MRPL48: variants seen among roughly 807,000 people sequenced by gnomAD.
The protein encoded by MRPL48 is mitochondrial ribosomal protein L48, also known as large ribosomal subunit protein mL48.
In MRPL48, 16 loss-of-function variants were observed where a neutral mutation model predicts 32.9. The ratio of observed to expected loss-of-function variants is 0.49; its 90% confidence interval spans 0.33 to 0.74. MRPL48 has a LOEUF of 0.74. Among genes scored for constraint, MRPL48 ranks in the 30% least tolerant of loss-of-function variants. The pLI is 0.02. For missense variants in MRPL48, 206 were observed against 245.3 expected, an observed-to-expected ratio of 0.84 and a Z score of 1.07; for synonymous variants, 94 against 89.2, an observed-to-expected ratio of 1.05 and a Z score of -0.31.
intron 3 of MRPL48, among the ~76,000 whole-genome samples, chr11:73,811,816 G>A (rs1947572145): frequency 6.6e-6 from 1 of 152,120 alleles, no homozygotes; most frequent in Non-Finnish European, 1.5e-5. Context: ...AAATTGAAAT[G>A]GATGCATATG....
chr11:73,820,433 C>G (rs1443826140), intron 3 of MRPL48, among the ~76,000 whole-genome samples: 13 of 152,160 alleles, frequency 8.5e-5, no homozygotes. Flanking sequence ...CCATGTTGGC[C>G]AGGCTGGTCT....
chr11:73,820,069 G>C (rs1947746981), intron 3 of MRPL48, among the ~76,000 whole-genome samples: 1 of 152,144 alleles, frequency 6.6e-6, no homozygotes. Context: ...CTTAGCGGGG[G>C]CTACCAATCT....
At chr11:73,817,290 C>T (rs1947695510) in intron 3 of MRPL48, among the ~76,000 whole-genome samples, 1 of 152,086 alleles carries the variant, frequency 6.6e-6, no homozygotes, top group Non-Finnish European at 1.5e-5. Flanking sequence ...CAAGATTTTG[C>T]AATGGAAACA....
intron 3 of MRPL48, among the ~76,000 whole-genome samples, chr11:73,822,608 T>G (rs1947803059): frequency 6.6e-6 from 1 of 152,228 alleles, no homozygotes; most frequent in African/African-American, 2.4e-5. Context: ...AAGCCAGTAC[T>G]ATCTCTGATA....
At chr11:73,817,090 C>T (rs1947691887) in intron 3 of MRPL48, among the ~76,000 whole-genome samples, 1 of 151,974 alleles carries the variant, frequency 6.6e-6, no homozygotes, top group Admixed American at 6.6e-5. Flanking sequence ...CTTGGGCCTC[C>T]CGAAGTGCTG....
At chr11:73,795,495 T>C (rs967873484) in intron 1 of MRPL48, among the ~76,000 whole-genome samples, 1 of 151,832 alleles carries the variant, frequency 6.6e-6, no homozygotes, top group African/African-American at 2.4e-5. Flanking sequence ...AAAAATATAA[T>C]TCATTTATTA....
Position 73,864,412 on chromosome 11 carries a change from G to A in MRPL48, c.*42G>A, listed in dbSNP as rs369843978. 1 of 1,600,562 alleles carries A rather than the reference G, an allele frequency of 6.2e-7. No individual in the cohort carries two copies. The highest frequency in any genetic ancestry group is 8.5e-7 in the Non-Finnish European group (1 of 1,169,976). ...CATGCCAGCAGTGGTCATATTGAGTGCCAAAGAGAAGAGCTTACTGGGTAG... is the reference window on the plus strand; with the variant it reads ...CATGCCAGCAGTGGTCATATTGAGTACCAAAGAGAAGAGCTTACTGGGTAG... On this transcript the variant is annotated 3_prime_UTR_variant, in exon 8 of 8. Transcript: ENST00000310614.
chr11:73,827,753 C>T (rs910528141), intron 4 of MRPL48, among the ~76,000 whole-genome samples: 2 of 152,136 alleles, frequency 1.3e-5, no homozygotes, highest in Non-Finnish European at 2.9e-5. Context: ...CTAACCTTGC[C>T]GTGTTCTTCT....
At chr11:73,791,443 G>T (rs1181068274) in intron 1 of MRPL48, among the ~76,000 whole-genome samples, 1 of 151,854 alleles carries the variant, frequency 6.6e-6, no homozygotes, top group Non-Finnish European at 1.5e-5. Flanking sequence ...TTGAGACAGG[G>T]TCTCACTCTG....
chr11:73,793,858 G>GTTTT (rs1293232778), intron 1 of MRPL48, among the ~76,000 whole-genome samples: 1 of 113,882 alleles, frequency 8.8e-6, no homozygotes, highest in Non-Finnish European at 1.9e-5. Flanking sequence ...CTTGTTTCGT[G>GTTTT]TTTTTTTTTT....
At chr11:73,808,933 A>AC (rs1947514569) in intron 3 of MRPL48, among the ~76,000 whole-genome samples, 2 of 149,972 alleles carry the variant, frequency 1.3e-5, no homozygotes, top group Non-Finnish European at 3.0e-5. Context: ...CAAAAAAAAA[A>AC]AAAATAATGA....
chr11:73,805,152 TTCA>T (rs1947426262), intron 2 of MRPL48, 73 bp downstream of exon 2: 2 of 1,278,154 alleles, frequency 1.6e-6, no homozygotes, highest in East Asian at 5.1e-5. Context: ...ACAGCATTTT[TTCA>T]TCATATTTAC....
At chr11:73,790,936 A>T (rs1488844588) in intron 1 of MRPL48, among the ~76,000 whole-genome samples, 1 of 119,584 alleles carries the variant, frequency 8.4e-6, no homozygotes, top group Non-Finnish European at 1.6e-5. Flanking sequence ...CCCAGGCTGT[A>T]GTGCAGTAGC....
At chr11:73,798,963 C>A (rs1356278178) in intron 1 of MRPL48, among the ~76,000 whole-genome samples, 3 of 149,164 alleles carry the variant, frequency 2.0e-5, no homozygotes, top group South Asian at 2.1e-4. Context: ...TGCACTCTAG[C>A]CCTAGCAACA....
chr11:73,816,355 C>T (rs974878439), intron 3 of MRPL48, among the ~76,000 whole-genome samples: 5 of 151,774 alleles, frequency 3.3e-5, no homozygotes, highest in African/African-American at 7.3e-5. Context: ...CCACCGTGCC[C>T]GGCCGGAACT....
chr11:73,857,579 C>T (rs1185193832), intron 5 of MRPL48, among the ~76,000 whole-genome samples: 1 of 147,952 alleles, frequency 6.8e-6, no homozygotes, highest in African/African-American at 2.5e-5. Context: ...CACGCCTGGC[C>T]GCATAGACTT....
chr11:73,841,525 A>T (rs1420364502), intron 4 of MRPL48, among the ~76,000 whole-genome samples: 1 of 152,250 alleles, frequency 6.6e-6, no homozygotes, highest in Non-Finnish European at 1.5e-5. Flanking sequence ...GAATGAAAGA[A>T]GACGGACACA....
intron 3 of MRPL48, among the ~76,000 whole-genome samples, chr11:73,817,174 A>G (rs1947693398): frequency 6.6e-6 from 1 of 152,112 alleles, no homozygotes; most frequent in Admixed American, 6.6e-5. Flanking sequence ...AGGGCACGTT[A>G]AATGGCTATT....
intron 1 of MRPL48, among the ~76,000 whole-genome samples, chr11:73,801,374 T>A (rs1947360577): frequency 6.6e-6 from 1 of 152,150 alleles, no homozygotes; most frequent in Non-Finnish European, 1.5e-5. Flanking sequence ...AGCTAGTGGT[T>A]GGGGGAGCTG....
Sources: allele counts gnomAD v4.1 joint callset (sites outside exome capture counted in the v4.1 genomes callset), GRCh38; gene constraint gnomAD v4.1.1; transcripts MANE v1.5; gene names NCBI Gene and HGNC (gene_info 2026-07-23, HGNC 2026-07-21).